Variants in FUT8 observed in about 807,000 individuals in gnomAD.
FUT8 encodes the protein alpha-(1,6)-fucosyltransferase.
A neutral mutation model predicts 71.3 loss-of-function variants in FUT8; 29 were observed. The ratio of observed to expected loss-of-function variants is 0.41; its 90% CI spans 0.30 to 0.55. The LOEUF (loss-of-function observed/expected upper bound fraction) is 0.55, where lower values mean the gene tolerates loss of function less well. Among genes scored for constraint, FUT8 ranks in the 20% least tolerant of loss-of-function variants. FUT8 has a pLI of 0.34. For missense variants in FUT8, 544 were observed against 702.1 expected (o/e 0.77, Z 2.55); for synonymous variants, 254 against 239.3 (o/e 1.06, Z -0.57).
chr14:65,717,649 G>A (rs1895191855), intron 7 of FUT8, among the ~76,000 whole-genome samples: 1 of 150,386 alleles, frequency 6.6e-6, no homozygotes, highest in African/African-American at 2.5e-5. Context: ...CAGCCGGGCA[G>A]AGGCGCTCCC....
intron 6 of FUT8, among the ~76,000 whole-genome samples, chr14:65,633,941 TG>T (rs1380647747): frequency 7.0e-6 from 1 of 142,898 alleles, no homozygotes; most frequent in Non-Finnish European, 1.5e-5. Context: ...GGGAGGGAGG[TG>T]GGGGGTCAGC....
At chr14:65,455,200 A>C (rs2065879256) in intron 1 of FUT8, among the ~76,000 whole-genome samples, 1 of 152,228 alleles carries the variant, frequency 6.6e-6, no homozygotes, top group South Asian at 2.1e-4. Context: ...AGATAGTAAG[A>C]AACTAGGTTA....
At chr14:65,699,145 TAC>T (rs60092488) in intron 7 of FUT8, among the ~76,000 whole-genome samples, 2,768 of 132,032 alleles carry the variant, frequency 0.021, 53 homozygotes, top group East Asian at 0.054. Context: ...CCCTCCCTTC[TAC>T]ACACACACAC....
chr14:65,486,222 C>T (rs964248727), intron 2 of FUT8, among the ~76,000 whole-genome samples: 1 of 152,134 alleles, frequency 6.6e-6, no homozygotes, highest in African/African-American at 2.4e-5. Context: ...AATTATTCTG[C>T]ATATATAATA....
chr14:65,618,208 A>G (rs1486494151), intron 5 of FUT8, among the ~76,000 whole-genome samples: 1 of 151,308 alleles, frequency 6.6e-6, no homozygotes, highest in Non-Finnish European at 1.5e-5. Context: ...AGCTGAATTG[A>G]AATAATTCTT....
In FUT8 at chr14:65,731,204, C is replaced by T. The variant is rs1404816528; in HGVS notation, c.1260-2027C>T. Among the ~76,000 whole-genome samples the T allele has an allele frequency of 2.0e-5, 3 of 152,150 alleles. No homozygotes were observed. In the East Asian group the frequency reaches 5.8e-4, roughly 29 times the overall value. Reference sequence around the variant, plus strand: ...GAGTAACCAACAGGTAGACAATATACATGTAACACATATTACAGTAAATTT... The same window carrying T: ...GAGTAACCAACAGGTAGACAATATATATGTAACACATATTACAGTAAATTT... On this transcript the variant is annotated intron_variant, in intron 9 of 10. Transcript: ENST00000673929.
chr14:65,426,365 A>G (rs956495695), intron 1 of FUT8, among the ~76,000 whole-genome samples: 6 of 149,358 alleles, frequency 4.0e-5, no homozygotes, highest in Non-Finnish European at 8.9e-5. Context: ...ACAAATTACC[A>G]TAAGATAGAT....
At chr14:65,737,779 C>T (rs541236416) in intron 10 of FUT8, among the ~76,000 whole-genome samples, 117 of 151,914 alleles carry the variant, frequency 7.7e-4, no homozygotes, top group African/African-American at 2.6e-3. Flanking sequence ...TCCTTTTTTT[C>T]CCCCTATGAC....
intron 7 of FUT8, among the ~76,000 whole-genome samples, chr14:65,682,713 A>G (rs1893095797): frequency 6.6e-6 from 1 of 152,132 alleles, no homozygotes; most frequent in African/African-American, 2.4e-5. Context: ...CCTGGGCATT[A>G]TTTTTCCTTC....
chr14:65,512,143 G>C (rs1882386040), intron 2 of FUT8, among the ~76,000 whole-genome samples: 3 of 152,148 alleles, frequency 2.0e-5, no homozygotes, highest in Admixed American at 2.0e-4. Flanking sequence ...ACGTAGAAAA[G>C]GTACAGTAAA....
intron 6 of FUT8, among the ~76,000 whole-genome samples, chr14:65,650,817 G>C (rs887239036): frequency 6.6e-6 from 1 of 151,524 alleles, no homozygotes; most frequent in African/African-American, 2.4e-5. Context: ...AAGGGTACTA[G>C]AGGCCTGCAG....
At chr14:65,538,293 G>A (rs533150951) in intron 2 of FUT8, among the ~76,000 whole-genome samples, 4 of 152,282 alleles carry the variant, frequency 2.6e-5, no homozygotes, top group Admixed American at 6.5e-5. Flanking sequence ...GTCGCTCCTT[G>A]CCTGTTCAAC....
intron 2 of FUT8, among the ~76,000 whole-genome samples, chr14:65,522,431 T>G (rs1446931439): frequency 1.3e-5 from 2 of 152,194 alleles, no homozygotes; most frequent in Admixed American, 6.5e-5. Context: ...TATAAAAATT[T>G]AATTCTTAAG....
At chr14:65,642,987 A>G (rs1388518306) in intron 6 of FUT8, among the ~76,000 whole-genome samples, 1 of 152,196 alleles carries the variant, frequency 6.6e-6, no homozygotes, top group Non-Finnish European at 1.5e-5. Flanking sequence ...AGTTGGCAGT[A>G]GTCTCTTTGA....
At chr14:65,700,016 A>G (rs546134995) in intron 7 of FUT8, among the ~76,000 whole-genome samples, 1 of 152,326 alleles carries the variant, frequency 6.6e-6, no homozygotes, top group African/African-American at 2.4e-5. Context: ...CTTATCTCCA[A>G]TACTGCAAGG....
chr14:65,738,027 C>G (rs1428191711), intron 10 of FUT8, among the ~76,000 whole-genome samples: 3 of 152,046 alleles, frequency 2.0e-5, no homozygotes, highest in Non-Finnish European at 4.4e-5. Context: ...GAGGAAAGCA[C>G]AGGGTGAAAT....
intron 7 of FUT8, among the ~76,000 whole-genome samples, chr14:65,696,657 G>A (rs1381396128): frequency 6.6e-6 from 1 of 151,900 alleles, no homozygotes; most frequent in Non-Finnish European, 1.5e-5. Context: ...TATTATTTCA[G>A]TAATTTTTTC....
At chr14:65,536,739 A>G (rs902147527) in intron 2 of FUT8, among the ~76,000 whole-genome samples, 6 of 152,110 alleles carry the variant, frequency 3.9e-5, no homozygotes, top group African/African-American at 1.4e-4. Flanking sequence ...CTTGGGCATA[A>G]TCTTCTTGTA....
chr14:65,397,483 T>C, the FUT8 span, among the ~76,000 whole-genome samples: 1 of 152,240 alleles, frequency 6.6e-6, no homozygotes, highest in African/African-American at 2.4e-5. This position sits in a 1 kb window ranked among gnomAD's most constrained non-coding sequence, Gnocchi z 4.2. Context: ...TCTGCAGAGT[T>C]TGCATATTTT....
Sources: allele counts gnomAD v4.1 joint callset (sites outside exome capture counted in the v4.1 genomes callset), GRCh38; gene constraint gnomAD v4.1.1; non-coding constraint Gnocchi (gnomAD v3.1); transcripts MANE v1.5; gene names NCBI Gene and HGNC (gene_info 2026-07-23, HGNC 2026-07-21).